GRK5: variants seen among roughly 807,000 people sequenced by gnomAD.
GRK5 encodes G protein-coupled receptor kinase 5.
GRK5 carries 40 observed loss-of-function variants against 78.4 expected under a neutral mutation model. That is an observed-to-expected ratio of 0.51 (90% CI 0.40 to 0.66). The LOEUF (loss-of-function observed/expected upper bound fraction) is 0.66. Among genes scored for constraint, GRK5 ranks in the 30% least tolerant of loss-of-function variants. The pLI is 0.00. For missense variants in GRK5, 598 were observed against 759.9 expected, an observed-to-expected ratio of 0.79 and a Z score of 2.50; for synonymous variants, 289 against 296.8, an observed-to-expected ratio of 0.97 and a Z score of 0.27.
intron 1 of GRK5, among the ~76,000 whole-genome samples, chr10:119,310,699 C>T (rs908319589): frequency 2.0e-5 from 3 of 152,120 alleles, no homozygotes; most frequent in Admixed American, 6.5e-5. Flanking sequence ...CCAGGCAGGG[C>T]GGGGTTGGGG....
At chr10:119,247,866 C>CAT (rs1849137829) in intron 1 of GRK5, among the ~76,000 whole-genome samples, 1 of 152,110 alleles carries the variant, frequency 6.6e-6, no homozygotes, top group African/African-American at 2.4e-5. Context: ...TATAGGGGCA[C>CAT]ATATATATAC....
At chr10:119,268,923 G>T (rs950261246) in intron 1 of GRK5, among the ~76,000 whole-genome samples, 12 of 152,190 alleles carry the variant, frequency 7.9e-5, no homozygotes, top group African/African-American at 2.9e-4. Context: ...CTTGTGAGTA[G>T]ATAACAAAGG....
At chr10:119,261,345 G>C (rs1303390831) in intron 1 of GRK5, among the ~76,000 whole-genome samples, 49 of 149,930 alleles carry the variant, frequency 3.3e-4, no homozygotes, top group Non-Finnish European at 6.8e-4. Flanking sequence ...TGGGATGGCG[G>C]CCGGGAAGAG....
At chr10:119,228,070 C>T (rs995396567) in intron 1 of GRK5, among the ~76,000 whole-genome samples, 2 of 151,886 alleles carry the variant, frequency 1.3e-5, no homozygotes, top group Admixed American at 6.6e-5. Context: ...TGTAAAGGAT[C>T]GATATAATAA....
At chr10:119,442,391 G>A (rs1278836074) in intron 11 of GRK5, among the ~76,000 whole-genome samples, 4 of 152,240 alleles carry the variant, frequency 2.6e-5, no homozygotes, top group Non-Finnish European at 5.9e-5. Flanking sequence ...GCTAGGGGAG[G>A]CCACATTGAA....
rs1244127299 is a variant in GRK5, at chr10:119,267,021, A to G, written c.52+59052A>G. On this transcript the variant is annotated intron_variant, in intron 1 of 15. Transcript: ENST00000392870. The surrounding 1 kb of genome is among the most constrained non-coding windows in gnomAD (Gnocchi z 4.1). ...CACTTTGGGAGGCCGAGGTGCGCGG[A>G]TCACCTGAGGTCGGGAGTTCTAACC... is the stretch of plus-strand genomic sequence containing the variant. Among the ~76,000 whole-genome samples the G allele has an allele frequency of 6.6e-6, 1 of 152,090 alleles. No individual in the cohort carries two copies. Among genetic ancestry groups the G allele is most frequent in the Non-Finnish European group, 1.5e-5 (1 of 68,006 alleles).
At position 119,442,043 on chromosome 10, in the gene GRK5, G is replaced by A. The variant is rs1381942896; in HGVS notation, c.1012G>A (p.Glu338Lys). 1.7e-5 allele frequency: 28 copies of A among 1,614,004 alleles called. No homozygotes were observed. The highest frequency in any genetic ancestry group is 1.6e-4 in the Middle Eastern group (1 of 6,062). ...CCTGGGCTTGGCTGTGAAGATCCCC[G>A]AGGGAGACCTGATCCGCGGCCGGGT... Reference protein sequence around the residue: ...SDLGLAVKIPEGDLIRGRVGT... With the variant: ...SDLGLAVKIPKGDLIRGRVGT... The change falls in exon 11 of 16, where the codon GAG becomes AAG. Residue 338 changes from glutamate to lysine, a missense_variant. Transcript: ENST00000392870.
At position 119,455,538 on chromosome 10, in the gene GRK5, TC is replaced by T. The variant is rs1734480754; in HGVS notation, c.*472del. 12 of 258,348 alleles carry T rather than the reference TC, an allele frequency of 4.6e-5. No individual in the cohort carries two copies. The highest frequency in any genetic ancestry group is 6.7e-5 in the Non-Finnish European group (9 of 133,984). 16.0% of individuals were successfully genotyped at this position (258,348 alleles called of 1,614,324 possible). ...AGGCATTTTAGCGGGGAGGGGGTTATCAAAAAAAAAAAAATGTGACTCAAGA... is the reference window on the plus strand; with the variant it reads ...AGGCATTTTAGCGGGGAGGGGGTTATAAAAAAAAAAAAATGTGACTCAAGA... On this transcript the variant is annotated 3_prime_UTR_variant, in exon 16 of 16. Coordinates refer to ENST00000392870, the MANE Select transcript of GRK5 (RefSeq NM_005308.3).
At chr10:119,371,502 G>A (rs1319657759) in intron 2 of GRK5, among the ~76,000 whole-genome samples, 1 of 152,238 alleles carries the variant, frequency 6.6e-6, no homozygotes, top group Admixed American at 6.5e-5. Flanking sequence ...TCCGCTGGGG[G>A]TATGAGTCTT....
chr10:119,358,073 G>T (rs527658619), intron 2 of GRK5, among the ~76,000 whole-genome samples: 1 of 152,294 alleles, frequency 6.6e-6, no homozygotes, highest in South Asian at 2.1e-4. Flanking sequence ...AAATGGCTTG[G>T]CCCCTTGTTT....
At chr10:119,448,013 G>C (rs543357439) in intron 12 of GRK5, 110 bp from the exon 13 acceptor site, 93 of 1,309,414 alleles carry the variant, frequency 7.1e-5, no homozygotes, top group Non-Finnish European at 9.4e-5. Context: ...TTTGCAGGGT[G>C]GGGCAGCGTG....
chr10:119,423,045 G>T, intron 4 of GRK5, 121 bp from the exon 5 acceptor site: 2 of 714,014 alleles, frequency 2.8e-6, no homozygotes, highest in Non-Finnish European at 2.5e-6. Context: ...GGGCACAGAC[G>T]GGCTGCCAGA....
chr10:119,259,249 A>G (rs1043581073), intron 1 of GRK5, among the ~76,000 whole-genome samples: 3 of 151,658 alleles, frequency 2.0e-5, no homozygotes, highest in South Asian at 2.1e-4. Flanking sequence ...TATTTTTAGT[A>G]GAGACGGGGT....
At chr10:119,415,400 C>T (rs1040499288) in intron 4 of GRK5, among the ~76,000 whole-genome samples, 3 of 152,050 alleles carry the variant, frequency 2.0e-5, no homozygotes, top group Non-Finnish European at 2.9e-5. Flanking sequence ...GGAAGCAGGT[C>T]GGGCAGGGTG....
chr10:119,338,046 G>T (rs540361686), intron 2 of GRK5, among the ~76,000 whole-genome samples: 7 of 152,314 alleles, frequency 4.6e-5, no homozygotes, highest in African/African-American at 1.7e-4. Flanking sequence ...CTGAGGTAAT[G>T]GGGATTAGGA....
chr10:119,247,167 G>A (rs1170695257), intron 1 of GRK5, among the ~76,000 whole-genome samples: 7 of 152,154 alleles, frequency 4.6e-5, no homozygotes, highest in African/African-American at 7.2e-5. Context: ...AGCGGAGGGC[G>A]GAAACTCTGA....
chr10:119,221,346 T>C (rs1434230017), intron 1 of GRK5, among the ~76,000 whole-genome samples: 3 of 152,230 alleles, frequency 2.0e-5, no homozygotes, highest in Admixed American at 6.5e-5. Flanking sequence ...GTGTACACAC[T>C]GTTCCGCAGC....
chr10:119,350,552 G>A (rs1299649706), intron 2 of GRK5, among the ~76,000 whole-genome samples: 3 of 152,168 alleles, frequency 2.0e-5, no homozygotes, highest in Non-Finnish European at 2.9e-5. Context: ...CTTGCTTTGC[G>A]TTTCCCGATG....
chr10:119,290,230 C>T (rs1319634961), intron 1 of GRK5, among the ~76,000 whole-genome samples: 1 of 151,530 alleles, frequency 6.6e-6, no homozygotes, highest in Non-Finnish European at 1.5e-5. Context: ...GCCTGTAGTC[C>T]CGGTGACTCG....
Sources: allele counts gnomAD v4.1 joint callset (sites outside exome capture counted in the v4.1 genomes callset), GRCh38; gene constraint gnomAD v4.1.1; non-coding constraint Gnocchi (gnomAD v3.1); transcripts MANE v1.5; gene names NCBI Gene and HGNC (gene_info 2026-07-23, HGNC 2026-07-21).